The following WWC2 variants were observed in gnomAD, a reference collection of about 807,000 sequenced individuals.
WWC2 encodes WW and C2 domain containing 2.
Under a neutral mutation model 138.5 loss-of-function variants are expected in WWC2, and 101 were observed. That is an observed-to-expected ratio of 0.73 (90% CI 0.62 to 0.86). WWC2 has a LOEUF of 0.86. Ranked by LOEUF, WWC2 falls within the 40% of genes least tolerant of loss-of-function variation. WWC2 has a pLI of 0.00. For synonymous variants in WWC2, 558 were observed against 538.4 expected (o/e 1.04, Z -0.50); for missense variants, 1,420 against 1,419.4 (o/e 1.00, Z -0.01).
rs1553982727 is a variant in WWC2, at chr4:183,318,495, TAA to T, written c.*2775_*2776del. 2.7e-5 allele frequency: 4 copies of T among 149,536 alleles called. No individual in the cohort carries two copies. Among genetic ancestry groups the T allele is most frequent in the Admixed American group, 6.7e-5 (1 of 14,900 alleles). The allele number at this position is 149,536 out of a possible 1,614,324, so 9.3% of individuals were successfully genotyped here. ...TGGAAAAAAATTCAGTGGTTTTTTT[TAA>T]AAAAAAAAGCAAAAACAAAGCTACA... On this transcript the variant is annotated 3_prime_UTR_variant, in exon 23 of 23. Coordinates refer to ENST00000403733, the MANE Select transcript of WWC2 (RefSeq NM_024949.6).
chr4:183,284,231 C>A lies in WWC2; in HGVS notation c.2889C>A (p.Asp963Glu). Residue 963 changes from aspartate (D) to glutamate (E), a missense_variant, in exon 19 of 23, where the codon GAC (aspartate) becomes GAA (glutamate). Transcript: ENST00000403733. ...ATTGTTAACTTCTCTTATAGGTTGA[C>A]AAAGAGACAAACACTGATGAAGCCG... is the stretch of plus-strand genomic sequence containing the variant. The part of the protein sequence containing the change: ...QPPTRIPTLV[D>E]KETNTDEAAN... 1 of 1,613,418 alleles carries A rather than the reference C, an allele frequency of 6.2e-7. No individual in the cohort carries two copies. Among genetic ancestry groups the A allele is most frequent in the Non-Finnish European group, 8.5e-7 (1 of 1,179,494 alleles).
At chr4:183,236,459 T>C (rs6836773) in intron 4 of WWC2, among the ~76,000 whole-genome samples, 11,490 of 152,216 alleles carry the variant, frequency 0.075, 1,461 homozygotes, top group African/African-American at 0.26. Flanking sequence ...ACAGCGAGAT[T>C]GGTTACAGCT....
intron 22 of WWC2, among the ~76,000 whole-genome samples, chr4:183,314,733 G>A (rs906629055): frequency 2.0e-5 from 3 of 152,156 alleles, no homozygotes; most frequent in African/African-American, 4.8e-5. Flanking sequence ...TAAGGCCTCC[G>A]CTGACATCAC....
intron 2 of WWC2, among the ~76,000 whole-genome samples, chr4:183,195,108 A>C (rs1289601452): frequency 2.0e-5 from 3 of 152,220 alleles, no homozygotes; most frequent in Non-Finnish European, 4.4e-5. Flanking sequence ...CTGACAACCA[A>C]ATGTCATCTG....
At chr4:183,216,952 A>C (rs1224482017) in intron 4 of WWC2, among the ~76,000 whole-genome samples, 6 of 152,158 alleles carry the variant, frequency 3.9e-5, no homozygotes, top group African/African-American at 1.4e-4. Flanking sequence ...TAGGGCTGGG[A>C]ATAGTTTGTG....
chr4:183,118,878 T>C (rs1732507438), intron 1 of WWC2, among the ~76,000 whole-genome samples: 1 of 152,194 alleles, frequency 6.6e-6, no homozygotes, highest in South Asian at 2.1e-4. Flanking sequence ...TGTGTAGTGG[T>C]TTGCATAGAA....
intron 4 of WWC2, among the ~76,000 whole-genome samples, chr4:183,224,070 A>G (rs1343649428): frequency 6.6e-6 from 1 of 151,892 alleles, no homozygotes; most frequent in African/African-American, 2.4e-5. Context: ...TTTGTAACTT[A>G]AAACAAAACA....
chr4:183,219,548 G>C (rs1468015745), intron 4 of WWC2, among the ~76,000 whole-genome samples: 4 of 152,110 alleles, frequency 2.6e-5, no homozygotes, highest in Non-Finnish European at 4.4e-5. Flanking sequence ...AAATAAAAAT[G>C]CCTATTTAAA....
intron 1 of WWC2, among the ~76,000 whole-genome samples, chr4:183,192,466 G>T (rs1335071220): frequency 2.0e-5 from 3 of 152,142 alleles, no homozygotes; most frequent in Admixed American, 6.5e-5. Flanking sequence ...GCTATAGGAA[G>T]GTTGAAAGAA....
At chr4:183,302,202 G>GT (rs1409719000) in intron 21 of WWC2, among the ~76,000 whole-genome samples, 4 of 152,214 alleles carry the variant, frequency 2.6e-5, no homozygotes, top group Admixed American at 6.5e-5. Flanking sequence ...ATTGCTGATA[G>GT]TATCAGTTTG....
chr4:183,298,101 C>T (rs1738700253), intron 21 of WWC2, among the ~76,000 whole-genome samples: 2 of 152,186 alleles, frequency 1.3e-5, no homozygotes. Flanking sequence ...GTCTCTTATT[C>T]AGAATGAGAA....
chr4:183,312,340 G>A lies in WWC2; in HGVS notation c.3385-1G>A, dbSNP rs1343135120. 6.2e-7 allele frequency: 1 copy of A among 1,612,770 alleles called. No homozygotes were observed. The highest frequency in any genetic ancestry group is 8.5e-7 in the Non-Finnish European group (1 of 1,179,280). ...TCTTACATTTTTATTCCCTTTTCCAGGCTGAACAGTCCAAAGAAGAGCAGA... is the reference window on the plus strand; with the variant it reads ...TCTTACATTTTTATTCCCTTTTCCAAGCTGAACAGTCCAAAGAAGAGCAGA... On this transcript the variant is annotated splice_acceptor_variant, in intron 21 of 22. Transcript: ENST00000403733. LOFTEE classifies it high-confidence loss of function.
At chr4:183,269,915 A>C (rs999888849) in intron 15 of WWC2, 1 of 158,672 alleles carries the variant, frequency 6.3e-6, no homozygotes, top group African/African-American at 2.4e-5. Flanking sequence ...AAGTTACATA[A>C]GTATTCAAAT....
At chr4:183,212,874 C>G (rs764152064) in intron 4 of WWC2, among the ~76,000 whole-genome samples, 4 of 152,012 alleles carry the variant, frequency 2.6e-5, no homozygotes, top group African/African-American at 9.7e-5. Context: ...TTAGTTCGCT[C>G]TTAATATCAG....
chr4:183,172,556 GTTTT>G (rs61599876), intron 1 of WWC2, among the ~76,000 whole-genome samples: 26 of 113,052 alleles, frequency 2.3e-4, no homozygotes, highest in African/African-American at 7.9e-4. Flanking sequence ...TATGTTTCTT[GTTTT>G]TTTTTTTTTT....
intron 7 of WWC2, among the ~76,000 whole-genome samples, chr4:183,249,334 AT>A (rs1736901375): frequency 6.6e-6 from 1 of 152,190 alleles, no homozygotes; most frequent in South Asian, 2.1e-4. Flanking sequence ...TGGCTTGGCT[AT>A]TGTTAACTAT....
intron 1 of WWC2, among the ~76,000 whole-genome samples, chr4:183,118,024 TGC>T (rs1732474746): frequency 6.6e-6 from 1 of 152,090 alleles, no homozygotes; most frequent in Admixed American, 6.5e-5. Context: ...GGTCTTGAAC[TGC>T]TGACTTCGTG....
chr4:183,144,780 C>T (rs576383644), intron 1 of WWC2, among the ~76,000 whole-genome samples: 13 of 152,232 alleles, frequency 8.5e-5, no homozygotes, highest in Admixed American at 2.6e-4. Flanking sequence ...ATATACAGAA[C>T]GCTGTTCATT....
chr4:183,259,675 G>A lies in WWC2; in HGVS notation c.1233G>A (p.Gln411=), dbSNP rs1206305086. The change falls in exon 10 of 23, where the codon CAG becomes CAA. Residue 411 remains glutamine (Q), a synonymous_variant. Coordinates refer to ENST00000403733, the MANE Select transcript of WWC2 (RefSeq NM_024949.6). ...AAGAGAGAAGAAAAGAGCTGCTACA[G>A]AAACTTGAAGAAACTACTAAATTAA... The part of the protein sequence containing the change: ...RLEERRKELL[Q]KLEETTKLTT... 6.5e-7 allele frequency: 1 copy of A among 1,546,470 alleles called. No homozygotes were observed. Among genetic ancestry groups the A allele is most frequent in the Admixed American group, 2.0e-5 (1 of 50,174 alleles).
Sources: gnomAD v4.1 joint callset for allele counts (sites outside exome capture counted in the v4.1 genomes callset) on GRCh38, gnomAD v4.1.1 for gene constraint, MANE v1.5 for transcripts, NCBI Gene and HGNC (gene_info 2026-07-23, HGNC 2026-07-21) for gene names.